Variants in PPP4R1 observed in about 807,000 individuals in gnomAD.
PPP4R1 encodes serine/threonine-protein phosphatase 4 regulatory subunit 1.
Under a neutral mutation model 111.2 loss-of-function variants are expected in PPP4R1, and 42 were observed. The observed-to-expected ratio is 0.38, with a 90% CI of 0.29 to 0.49. The LOEUF (loss-of-function observed/expected upper bound fraction) is 0.49. Among genes scored for constraint, PPP4R1 ranks in the 20% least tolerant of loss-of-function variants. PPP4R1 has a pLI of 0.97. For missense variants in PPP4R1, 1,012 were observed against 1,161.6 expected (o/e 0.87, Z 1.87); for synonymous variants, 409 against 405.5 (o/e 1.01, Z -0.10).
At position 9,595,014 on chromosome 18, in the gene PPP4R1, A is replaced by G. The variant is rs1247769542; in HGVS notation, c.188+4T>C. On this transcript the variant is annotated splice_donor_region_variant and intron_variant, in intron 3 of 19. Transcript: ENST00000400556. ...CCACTTTAACAAAAAGAATATGCAC[A>G]TACCTGTTAAATATGTTCTCACTTG... 6.2e-7 allele frequency: 1 copy of G among 1,613,746 alleles called. No homozygotes were observed. The highest frequency in any genetic ancestry group is 1.7e-5 in the Admixed American group (1 of 59,990).
At chr18:9,599,410 C>A (rs1047890473) in intron 2 of PPP4R1, among the ~76,000 whole-genome samples, 30 of 151,848 alleles carry the variant, frequency 2.0e-4, no homozygotes, top group African/African-American at 7.3e-4. Flanking sequence ...TAAAAGAAGG[C>A]AGAAAAAGAG....
intron 15 of PPP4R1, among the ~76,000 whole-genome samples, chr18:9,554,492 A>G (rs1337940930): frequency 2.6e-5 from 4 of 152,152 alleles, no homozygotes; most frequent in Admixed American, 2.6e-4. Context: ...AAAAAGAAAA[A>G]AATATATAAA....
At chr18:9,580,415 T>C (rs1490519386) in intron 9 of PPP4R1, among the ~76,000 whole-genome samples, 1 of 151,684 alleles carries the variant, frequency 6.6e-6, no homozygotes, top group Non-Finnish European at 1.5e-5. Context: ...AATGGCGCGA[T>C]CTCGGCTCAC....
At chr18:9,579,856 T>C (rs1318173686) in intron 9 of PPP4R1, among the ~76,000 whole-genome samples, 1 of 152,216 alleles carries the variant, frequency 6.6e-6, no homozygotes, top group Non-Finnish European at 1.5e-5. Context: ...CAGAGACTTC[T>C]GAGTATCCTC....
At position 9,607,908 on chromosome 18, in the gene PPP4R1, G is replaced by A. The variant is rs555774702; in HGVS notation, c.52+6318C>T. 3.3e-5 allele frequency among the ~76,000 whole-genome samples: 5 copies of A among 150,272 alleles called. No homozygotes were observed. The East Asian group carries it at 5.9e-4, about 18-fold the overall frequency. On this transcript the variant is annotated intron_variant, in intron 2 of 19. Transcript: ENST00000400556. ...AGTGATTCTCCTGCCTCAGCCTCCC[G>A]AGTAGCTAGGATTACAGGCATGCAC...
Position 9,614,508 on chromosome 18 carries a change from G to T in PPP4R1, c.-24C>A. On this transcript the variant is annotated 5_prime_UTR_variant, in exon 1 of 20. Coordinates refer to ENST00000400556, the MANE Select transcript of PPP4R1 (RefSeq NM_001042388.3). This position sits in a 1 kb window ranked among gnomAD's most constrained non-coding sequence, Gnocchi z 4.1. ...ATCTTGTGGTCGCCCCCTCCTCCGC[G>T]GCCGCCCGGGGAGCCGGGGCTACAT... is the stretch of plus-strand genomic sequence containing the variant. 1 of 1,020,254 alleles carries T rather than the reference G, an allele frequency of 9.8e-7. No homozygotes were observed. The highest frequency in any genetic ancestry group is 1.2e-6 in the Non-Finnish European group (1 of 853,752). 63.2% of individuals were successfully genotyped at this position (1,020,254 alleles called of 1,614,324 possible). A position where few individuals can be genotyped will look rare whatever the true frequency, so the allele number is the denominator to read the frequency against.
At chr18:9,565,399 G>C (rs956439954) in intron 11 of PPP4R1, among the ~76,000 whole-genome samples, 2 of 152,268 alleles carry the variant, frequency 1.3e-5, no homozygotes, top group African/African-American at 4.8e-5. Context: ...CAAGTGAAAG[G>C]AAGAATAACA....
At chr18:9,613,457 G>A (rs2067619524) in intron 2 of PPP4R1, 2 of 152,046 alleles carry the variant, frequency 1.3e-5, no homozygotes, top group African/African-American at 4.8e-5. Context: ...CAATTCCGTC[G>A]CCATCAGGAA....
In PPP4R1 at chr18:9,577,129, G is replaced by A; in HGVS notation, c.981C>T (p.Ser327=). ...TTTCTTCTTTAAAATACTGGCCTGAGCTAGATGGATTAGCAAAAGTAGATA... is the reference window on the plus strand; with the variant it reads ...TTTCTTCTTTAAAATACTGGCCTGAACTAGATGGATTAGCAAAAGTAGATA... ...PFISTFANPS[S]SGQYFKEESK... The change falls in exon 10 of 20, where the codon AGC becomes AGT. Residue 327 remains serine (S), a synonymous_variant. Coordinates refer to ENST00000400556, the MANE Select transcript of PPP4R1 (RefSeq NM_001042388.3). The A allele has an allele frequency of 6.2e-7, 1 of 1,606,854 alleles. No homozygotes were observed. The highest frequency in any genetic ancestry group is 8.5e-7 in the Non-Finnish European group (1 of 1,174,786).
intron 6 of PPP4R1, 87 bp from the exon 7 acceptor site, chr18:9,584,915 G>T: frequency 9.0e-7 from 1 of 1,111,218 alleles, no homozygotes; most frequent in Non-Finnish European, 1.3e-6. Context: ...ATAATTTGAG[G>T]AAACATAAAA....
Position 9,583,146 on chromosome 18 carries a change from T to G in PPP4R1, c.889A>C (p.Ile297Leu). 1 of 1,611,282 alleles carries G rather than the reference T, an allele frequency of 6.2e-7. No individual in the cohort carries two copies. The highest frequency in any genetic ancestry group is 1.3e-5 in the African/African-American group (1 of 75,022). The stretch of plus-strand genomic sequence containing the variant: ...CGTGAAGGATCACTGATCAAATTAA[T>G]AAAAAGTGCTGATAATTTGGTCCGT... The part of the protein sequence containing the change: ...IRRTKLSALF[I>L]NLISDPSRWV... The change falls in exon 9 of 20, where the codon ATT (isoleucine) becomes CTT (leucine). Residue 297 changes from isoleucine to leucine, a missense_variant. By Grantham distance (5) the Ile-to-Leu change is conservative. This residue lies in a region of PPP4R1 where 707 missense variants were observed against 742.1 expected (regional missense o/e 0.95). Transcript: ENST00000400556.
intron 13 of PPP4R1, among the ~76,000 whole-genome samples, chr18:9,561,235 A>ATTATTATT (rs2066670621): frequency 6.8e-6 from 1 of 147,592 alleles, no homozygotes; most frequent in Non-Finnish European, 1.5e-5. Context: ...TAATAATAAT[A>ATTATTATT]ATAATAATAA....
intron 16 of PPP4R1, chr18:9,550,995 T>C (rs1260570152): frequency 3.3e-5 from 5 of 152,428 alleles, no homozygotes; most frequent in Admixed American, 3.3e-4. Context: ...CTTTCAGATT[T>C]TATGTTCAAG....
chr18:9,589,503 T>C (rs2067175465), intron 4 of PPP4R1, among the ~76,000 whole-genome samples: 1 of 152,216 alleles, frequency 6.6e-6, no homozygotes, highest in Admixed American at 6.5e-5. Flanking sequence ...AAGTTCCTAC[T>C]GCACATCATA....
intron 10 of PPP4R1, among the ~76,000 whole-genome samples, chr18:9,573,081 A>T (rs1246089058): frequency 1.3e-5 from 2 of 152,218 alleles, no homozygotes; most frequent in East Asian, 3.8e-4. Flanking sequence ...GAGCTCCTGA[A>T]GCTAGTGCTG....
rs1446639495 is a variant in PPP4R1, at chr18:9,593,857, C to T, written c.206G>A (p.Ser69Asn). 6.2e-7 allele frequency: 1 copy of T among 1,613,610 alleles called. No individual in the cohort carries two copies. ...NIFNRQMVAR[S>N]LLDTLREVCD... ...GACTTCCCTCAAGGTATCGAGCAAA[C>T]TCCGGGCCACCATTTGTCTACACAA... The change falls in exon 4 of 20, where the codon AGT becomes AAT. Residue 69 changes from serine to asparagine, a missense_variant. This residue lies in a region of PPP4R1 where 707 missense variants were observed against 742.1 expected (regional missense o/e 0.95). Transcript: ENST00000400556.
At chr18:9,598,559 A>G (rs555568964) in intron 2 of PPP4R1, among the ~76,000 whole-genome samples, 303 of 149,792 alleles carry the variant, frequency 2.0e-3, no homozygotes, top group Non-Finnish European at 3.6e-3. Flanking sequence ...AAGAAACAAG[A>G]CATCTTTCAA....
chr18:9,575,466 A>G (rs1421069644), intron 10 of PPP4R1, among the ~76,000 whole-genome samples: 1 of 152,196 alleles, frequency 6.6e-6, no homozygotes. Flanking sequence ...AATATTTAAC[A>G]TAACTCCTTC....
intron 6 of PPP4R1, chr18:9,587,358 T>G (rs959647629): frequency 6.6e-6 from 1 of 152,086 alleles, no homozygotes; most frequent in African/African-American, 2.4e-5. Flanking sequence ...TGTGGCAACT[T>G]TAACAGAAAG....
Sources: allele counts gnomAD v4.1 joint callset (sites outside exome capture counted in the v4.1 genomes callset), GRCh38; gene constraint gnomAD v4.1.1; regional missense constraint gnomAD v4.1.1; non-coding constraint Gnocchi (gnomAD v3.1); transcripts MANE v1.5; gene names NCBI Gene and HGNC (gene_info 2026-07-23, HGNC 2026-07-21).